ACTN1: variants seen among roughly 807,000 people sequenced by gnomAD.
ACTN1 encodes alpha-actinin-1.
In ACTN1, 30 loss-of-function variants were observed where a neutral mutation model predicts 119.6. That is an observed-to-expected ratio of 0.25 (90% CI 0.19 to 0.34). ACTN1 has a LOEUF of 0.34. Among genes scored for constraint, ACTN1 ranks in the 10% least tolerant of loss-of-function variants. ACTN1 has a pLI of 1.00. For missense variants in ACTN1, 764 were observed against 1,223.4 expected (o/e 0.62, Z 5.60); for synonymous variants, 429 against 472.6 (o/e 0.91, Z 1.20).
chr14:68,963,796 A>G (rs193172108), intron 1 of ACTN1, among the ~76,000 whole-genome samples: 2 of 152,368 alleles, frequency 1.3e-5, no homozygotes, highest in Admixed American at 6.5e-5. Context: ...CTCAGTGCCA[A>G]TAAAATAGCC....
Position 68,882,328 on chromosome 14 carries a change from G to A in ACTN1, c.1953+130C>T, listed in dbSNP as rs141132676. 1,816 of 1,282,842 alleles carry A rather than the reference G, an allele frequency of 1.4e-3. 25 individuals carry two copies. In the African/African-American group the frequency reaches 0.024, roughly 17 times the overall value. 79.5% of individuals were successfully genotyped at this position (1,282,842 alleles called of 1,614,324 possible). Reference sequence around the variant, plus strand: ...CCCCATAGCCTTCTACAGAACAGCAGACCCACGGTGGGCTCCGGGCCTCAG... The same window carrying A: ...CCCCATAGCCTTCTACAGAACAGCAAACCCACGGTGGGCTCCGGGCCTCAG... On this transcript the variant is annotated intron_variant, in intron 16 of 21. Coordinates refer to ENST00000394419, the MANE Select transcript of ACTN1 (RefSeq NM_001130004.2). The surrounding 1 kb of genome is among the most constrained non-coding windows in gnomAD (Gnocchi z 4.5).
intron 21 of ACTN1, 143 bp from the exon 22 acceptor site, chr14:68,875,160 G>A: frequency 1.3e-6 from 2 of 1,528,036 alleles, no homozygotes; most frequent in African/African-American, 1.4e-5. Flanking sequence ...CAGGATGTAC[G>A]GACGTAAATA....
At position 68,943,346 on chromosome 14, in the gene ACTN1, G is replaced by A. The variant is rs529504887; in HGVS notation, c.106-17674C>T. On this transcript the variant is annotated intron_variant, in intron 1 of 21. Coordinates refer to ENST00000394419, the MANE Select transcript of ACTN1 (RefSeq NM_001130004.2). ...TGTCCACCTCTGCTGAGAAGCCCAG[G>A]GACCTCTGGGTAGTGCAGGGCAGGA... 3.9e-5 allele frequency among the ~76,000 whole-genome samples: 6 copies of A among 152,324 alleles called. No individual in the cohort carries two copies. In the South Asian group the frequency reaches 8.3e-4, roughly 21 times the overall value.
Position 68,925,337 on chromosome 14 carries a change from TTTTTA to T in ACTN1, c.220+216_220+220del, listed in dbSNP as rs1332805954. Among the ~76,000 whole-genome samples, 4 of 147,144 alleles carry T rather than the reference TTTTTA, an allele frequency of 2.7e-5. No individual in the cohort carries two copies. Among genetic ancestry groups the T allele is most frequent in the African/African-American group, 8.0e-5 (3 of 37,598 alleles). Reference sequence around the variant, plus strand: ...CAAACCCTTTTTTTTTTTTTTTTTTTTTTTAAAACAAACAAGGATGCTGAAACAAA... The same window carrying T: ...CAAACCCTTTTTTTTTTTTTTTTTTTAAACAAACAAGGATGCTGAAACAAA... On this transcript the variant is annotated intron_variant, in intron 2 of 21. Coordinates refer to ENST00000394419, the MANE Select transcript of ACTN1 (RefSeq NM_001130004.2). This position sits in a 1 kb window ranked among gnomAD's most constrained non-coding sequence, Gnocchi z 4.3.
At chr14:68,937,894 AGCACCTGT>A (rs1174906059) in intron 1 of ACTN1, among the ~76,000 whole-genome samples, 1 of 152,254 alleles carries the variant, frequency 6.6e-6, no homozygotes, top group Non-Finnish European at 1.5e-5. Flanking sequence ...AGGCCAGGCC[AGCACCTGT>A]GCTCAGCGTT....
intron 1 of ACTN1, among the ~76,000 whole-genome samples, chr14:68,957,608 A>G (rs1464869876): frequency 2.0e-5 from 3 of 152,186 alleles, no homozygotes; most frequent in Non-Finnish European, 4.4e-5. Context: ...CCTGCCCCAT[A>G]TTCTGGGAAA....
chr14:68,907,825 A>G (rs2033759129), intron 6 of ACTN1, among the ~76,000 whole-genome samples: 1 of 152,070 alleles, frequency 6.6e-6, no homozygotes, highest in African/African-American at 2.4e-5. Flanking sequence ...CTGTGGATGA[A>G]CTGGCCACTG....
At chr14:68,888,178 C>CA in intron 11 of ACTN1, 1 of 491,170 alleles carries the variant, frequency 2.0e-6, no homozygotes, top group Non-Finnish European at 3.8e-6. Context: ...TGCCACTCCT[C>CA]ACGCCCAGGA....
At chr14:68,884,440 C>A in intron 13 of ACTN1, 132 bp from the exon 14 acceptor site, 1 of 1,120,546 alleles carries the variant, frequency 8.9e-7, no homozygotes, top group African/African-American at 1.6e-5. Flanking sequence ...CAAGCTCTTC[C>A]TGCCAGCTGT....
At chr14:68,912,264 A>G in intron 3 of ACTN1, 22 bp from the exon 4 acceptor site, 1 of 1,607,878 alleles carries the variant, frequency 6.2e-7, no homozygotes, top group Non-Finnish European at 8.5e-7. Context: ...GCAGCAGCAC[A>G]CATCAGAAAG....
intron 6 of ACTN1, among the ~76,000 whole-genome samples, chr14:68,905,318 G>A (rs2033600943): frequency 6.6e-6 from 1 of 152,212 alleles, no homozygotes; most frequent in Non-Finnish European, 1.5e-5. Flanking sequence ...CAAGGATGTT[G>A]AGAAGCTGTA....
In ACTN1 at chr14:68,877,197, T is replaced by C. The variant is rs777206901; in HGVS notation, c.2471A>G (p.Asn824Ser). The C allele has an allele frequency of 1.2e-5, 19 of 1,614,016 alleles. No homozygotes were observed. The East Asian group carries it at 2.5e-4, about 21-fold the overall frequency. Residue 824 changes from asparagine to serine, a missense_variant, in exon 21 of 22, where the codon AAC (asparagine) becomes AGC (serine). This residue lies in a region of ACTN1 where 544 missense variants were observed against 912.0 expected (regional missense o/e 0.60). Coordinates refer to ENST00000394419, the MANE Select transcript of ACTN1 (RefSeq NM_001130004.2). ...FARIMSIVDPNRLGVVTFQAF... is the reference protein window; with the variant it reads ...FARIMSIVDPSRLGVVTFQAF... The stretch of plus-strand genomic sequence containing the variant: ...CTGGAATGTCACTACCCCCAGGCGG[T>C]TGGGGTCCACAATGCTCATGATGCG...
At position 68,879,865 on chromosome 14, in the gene ACTN1, C is replaced by A; in HGVS notation, c.2280+97G>T. On this transcript the variant is annotated intron_variant, in intron 18 of 21. Coordinates refer to ENST00000394419, the MANE Select transcript of ACTN1 (RefSeq NM_001130004.2). The surrounding 1 kb of genome is among the most constrained non-coding windows in gnomAD (Gnocchi z 4.9). ...GCAGTTTCCCCTTTCTCTCCCTCCT[C>A]ACTTGCATGGCAGCCCACGTCCCGG... 1 of 1,516,906 alleles carries A rather than the reference C, an allele frequency of 6.6e-7. No homozygotes were observed. The highest frequency in any genetic ancestry group is 8.9e-7 in the Non-Finnish European group (1 of 1,120,842). 94.0% of individuals were successfully genotyped at this position (1,516,906 alleles called of 1,614,324 possible).
intron 1 of ACTN1, chr14:68,978,627 C>G (rs2037153643): frequency 3.5e-6 from 1 of 284,078 alleles, no homozygotes; most frequent in Admixed American, 5.2e-5. Flanking sequence ...TGAAGACCAC[C>G]GCCCCCGAGC....
chr14:68,960,871 G>A (rs1217911997), intron 1 of ACTN1, among the ~76,000 whole-genome samples: 2 of 152,154 alleles, frequency 1.3e-5, no homozygotes, highest in East Asian at 1.9e-4. Flanking sequence ...CCAGGAGTTC[G>A]AAACCAGCCT....
chr14:68,899,263 C>A (rs62650188), intron 8 of ACTN1, among the ~76,000 whole-genome samples: 19,905 of 145,728 alleles, frequency 0.14, 1,545 homozygotes, highest in African/African-American at 0.19. Context: ...CACACACACC[C>A]ACATGCCACA....
Position 68,969,221 on chromosome 14 carries a change from G to A in ACTN1, c.105+9731C>T, listed in dbSNP as rs114496495. Among the ~76,000 whole-genome samples, 960 of 152,368 alleles carry A rather than the reference G, an allele frequency of 6.3e-3. 12 individuals are homozygous for A. The highest frequency in any genetic ancestry group is 0.02 in the African/African-American group (835 of 41,594). On this transcript the variant is annotated intron_variant, in intron 1 of 21. Transcript: ENST00000394419. ...GCTACAAAGCAAAACTTCATTTGGA[G>A]CTAAAGTTGGGAAAATATGCAGATT... is the stretch of plus-strand genomic sequence containing the variant.
At chr14:68,962,597 T>C (rs898881320) in intron 1 of ACTN1, among the ~76,000 whole-genome samples, 2 of 152,320 alleles carry the variant, frequency 1.3e-5, no homozygotes, top group South Asian at 4.1e-4. Flanking sequence ...TTTAAGACCA[T>C]GAAACTCTCG....
Position 68,880,448 on chromosome 14 carries a change from C to T in ACTN1, c.2134-340G>A, listed in dbSNP as rs569605432. 9.3e-5 allele frequency among the ~76,000 whole-genome samples: 10 copies of T among 107,602 alleles called. No individual in the cohort carries two copies. The highest frequency in any genetic ancestry group is 1.6e-4 in the Non-Finnish European group (9 of 55,356). 70.6% of individuals were successfully genotyped at this position (107,602 alleles called of 152,430 possible). On this transcript the variant is annotated intron_variant, in intron 17 of 21. Transcript: ENST00000394419. The surrounding 1 kb of genome is among the most constrained non-coding windows in gnomAD (Gnocchi z 4.6). ...CCCCGAACCTCCAACCCCACAGCCA[C>T]GCGCGCACACACACATACACACACA...
Sources: gnomAD v4.1 joint callset for allele counts (sites outside exome capture counted in the v4.1 genomes callset) on GRCh38, gnomAD v4.1.1 for gene constraint, gnomAD v4.1.1 regional missense constraint, Gnocchi (gnomAD v3.1) non-coding constraint, MANE v1.5 for transcripts, NCBI Gene and HGNC (gene_info 2026-07-23, HGNC 2026-07-21) for gene names.